The following ABCA9 variants were observed in gnomAD, a reference collection of about 807,000 sequenced individuals.
ABCA9 encodes the protein ATP binding cassette subfamily A member 9.
ABCA9 carries 183 observed loss-of-function variants against 205.3 expected under a neutral mutation model. That is an observed-to-expected ratio of 0.89 (90% CI 0.79 to 1.01). The LOEUF (loss-of-function observed/expected upper bound fraction) is 1.01. ABCA9 is among the 50% of genes least tolerant of loss of function. The pLI is 0.00. For synonymous variants in ABCA9, 651 were observed against 683.3 expected (o/e 0.95, Z 0.74); for missense variants, 1,805 against 1,912.4 (o/e 0.94, Z 1.05).
At chr17:68,978,320 G>C (rs978908437) in intron 37 of ABCA9, among the ~76,000 whole-genome samples, 2 of 151,866 alleles carry the variant, frequency 1.3e-5, no homozygotes, top group Non-Finnish European at 2.9e-5. Context: ...CCATTTGCTT[G>C]GTAGATCTTC....
intron 1 of ABCA9, among the ~76,000 whole-genome samples, chr17:69,057,446 G>A (rs2072101846): frequency 6.6e-6 from 1 of 152,078 alleles, no homozygotes; most frequent in Non-Finnish European, 1.5e-5. Context: ...AGAGAGAGTG[G>A]CCTTTAGGCT....
intron 1 of ABCA9, among the ~76,000 whole-genome samples, chr17:69,055,741 C>T (rs1418020917): frequency 6.6e-6 from 1 of 152,110 alleles, no homozygotes; most frequent in Non-Finnish European, 1.5e-5. Flanking sequence ...ATGGAACGCT[C>T]ACCAAGATAG....
In ABCA9 at chr17:69,023,809, T is replaced by C. The variant is rs573218542; in HGVS notation, c.2281+405A>G. ...GATTATATCAGTATGTGCTGGTGTT[T>C]CTAAAACAACCTATTTATTGTGTAC... On this transcript the variant is annotated intron_variant, in intron 17 of 38. Coordinates refer to ENST00000340001, the MANE Select transcript of ABCA9 (RefSeq NM_080283.4). The surrounding 1 kb of genome is among the most constrained non-coding windows in gnomAD (Gnocchi z 4.2). Among the ~76,000 whole-genome samples, 1 of 152,220 alleles carries C rather than the reference T, an allele frequency of 6.6e-6. No individual in the cohort carries two copies. Among genetic ancestry groups the C allele is most frequent in the East Asian group, 1.9e-4 (1 of 5,188 alleles).
At chr17:69,034,458 G>A (rs1279016817) in intron 8 of ABCA9, among the ~76,000 whole-genome samples, 1 of 152,060 alleles carries the variant, frequency 6.6e-6, no homozygotes, top group African/African-American at 2.4e-5. Flanking sequence ...TGCCACAGGA[G>A]ATCCACCCAT....
intron 31 of ABCA9, chr17:68,986,561 T>C (rs1367826612): frequency 2.7e-6 from 1 of 374,784 alleles, no homozygotes; most frequent in Non-Finnish European, 4.7e-6. Flanking sequence ...TGACCGTGAT[T>C]GAACTCAAGA....
chr17:68,990,894 A>G lies in ABCA9; in HGVS notation c.3780T>C (p.Asp1260=), dbSNP rs746976874. 6.8e-6 allele frequency: 11 copies of G among 1,614,010 alleles called. 1 individual carries two copies. The highest frequency in any genetic ancestry group is 1.7e-5 in the Admixed American group (1 of 59,998). The stretch of plus-strand genomic sequence containing the variant: ...CTGTTCTCATTCTTTCCATCTGGAT[A>G]TCTTCCTCCTCTCCTTCAGGCTCTT... ...NPEEPEGEEE[D]IQMERMRTVN... is the part of the protein sequence containing the mutation. The change falls in exon 29 of 39, where the codon GAT becomes GAC. Residue 1260 remains aspartate, a synonymous_variant. Coordinates refer to ENST00000340001, the MANE Select transcript of ABCA9 (RefSeq NM_080283.4).
At chr17:68,977,996 C>T (rs1026750555) in intron 37 of ABCA9, among the ~76,000 whole-genome samples, 1 of 152,162 alleles carries the variant, frequency 6.6e-6, no homozygotes, top group East Asian at 1.9e-4. Flanking sequence ...CTGCTTGGTG[C>T]AGAGCTGAAT....
At chr17:69,006,790 C>T (rs771130389) in intron 25 of ABCA9, among the ~76,000 whole-genome samples, 2 of 152,224 alleles carry the variant, frequency 1.3e-5, no homozygotes, top group Non-Finnish European at 2.9e-5. Context: ...GTGAACTTTT[C>T]TATAATGTAG....
Position 69,047,941 on chromosome 17 carries a change from A to T in ABCA9, c.304+1342T>A, listed in dbSNP as rs544034642. Reference sequence around the variant, plus strand: ...TAAATAAAATCCTCCTGTTCCACCCATATGGTCTTTCTGGTCTCCTGATTC... The same window carrying T: ...TAAATAAAATCCTCCTGTTCCACCCTTATGGTCTTTCTGGTCTCCTGATTC... On this transcript the variant is annotated intron_variant, in intron 3 of 38. Transcript: ENST00000340001. Among the ~76,000 whole-genome samples the T allele has an allele frequency of 2.6e-5, 4 of 152,258 alleles. No homozygotes were observed. In the South Asian group the frequency reaches 8.3e-4, roughly 32 times the overall value.
At chr17:69,067,877 G>A in the ABCA9 span, among the ~76,000 whole-genome samples, 1 of 152,096 alleles carries the variant, frequency 6.6e-6, no homozygotes, top group Non-Finnish European at 1.5e-5. Context: ...TTCTGTTGGG[G>A]GCAGTACATA....
rs535511538 is a variant in ABCA9 at position 69,053,231 on chromosome 17, C to A, written c.-13-2092G>T. Among the ~76,000 whole-genome samples, 7 of 152,316 alleles carry A rather than the reference C, an allele frequency of 4.6e-5. No homozygotes were observed. The South Asian group carries it at 1.5e-3, about 32-fold the overall frequency. On this transcript the variant is annotated intron_variant, in intron 1 of 38. Transcript: ENST00000340001. ...CATGGGTGATTCCCTGGCAACCAGT[C>A]CTATCCTGAAGCAATCTAGGGGATT...
chr17:69,078,565 A>C, the ABCA9 span: 1 of 153,344 alleles, frequency 6.5e-6, no homozygotes, highest in African/African-American at 2.4e-5. Flanking sequence ...AGTTGGTTAT[A>C]AAAGAAAACC....
chr17:69,016,160 T>G, intron 22 of ABCA9, 93 bp downstream of exon 22: 1 of 874,628 alleles, frequency 1.1e-6, no homozygotes, highest in Non-Finnish European at 1.6e-6. Context: ...AAGAATAGAT[T>G]CACAAAAAGT....
the ABCA9 span, among the ~76,000 whole-genome samples, chr17:69,078,486 T>C: frequency 1.3e-5 from 2 of 152,162 alleles, no homozygotes; most frequent in Non-Finnish European, 2.9e-5. Context: ...CGTGAGCCAC[T>C]GCACCTGGCC....
At position 68,985,052 on chromosome 17, in the gene ABCA9, C is replaced by T. The variant is rs754240514; in HGVS notation, c.4284+1G>A. On this transcript the variant is annotated splice_donor_variant, in intron 33 of 38. Transcript: ENST00000340001. LOFTEE classifies it high-confidence loss of function. ...AGAGCAACAACAAGCCCTGCCCGTA[C>T]CTTTCGCTTTATTCCCTCTGACAAG... 1.9e-6 allele frequency: 3 copies of T among 1,614,098 alleles called. No homozygotes were observed. Among genetic ancestry groups the T allele is most frequent in the African/African-American group, 1.3e-5 (1 of 74,936 alleles).
intron 10 of ABCA9, 130 bp downstream of exon 10, chr17:69,031,978 G>A (rs1382911130): frequency 1.4e-6 from 1 of 713,180 alleles, no homozygotes; most frequent in African/African-American, 1.8e-5. Flanking sequence ...AGCCTTTGAT[G>A]AGTGCAGCAG....
Position 69,024,255 on chromosome 17 carries a change from A to C in ABCA9, c.2240T>G (p.Leu747Arg), listed in dbSNP as rs2070911757. ...AKLTAQSEEK[L>R]VYILPLERTN... ...CCTTTCCAAAGGCAAAATATATACA[A>C]GTTTTTCTTCACTTTGTGCTGTCAA... Residue 747 changes from leucine (L) to arginine (R), a missense_variant, in exon 17 of 39, where the codon CTT becomes CGT. By Grantham distance (102) the Leu-to-Arg change is moderately radical (BLOSUM62 -2). Transcript: ENST00000340001. 1.2e-6 allele frequency: 2 copies of C among 1,613,284 alleles called. No homozygotes were observed. The highest frequency in any genetic ancestry group is 1.7e-6 in the Non-Finnish European group (2 of 1,179,558).
rs780503717 is a variant in ABCA9, at chr17:68,984,172, C to T, written c.4383G>A (p.Gln1461=). 1 of 1,614,012 alleles carries T rather than the reference C, an allele frequency of 6.2e-7. No homozygotes were observed. The highest frequency in any genetic ancestry group is 1.7e-5 in the Admixed American group (1 of 59,996). The stretch of plus-strand genomic sequence containing the variant: ...TGTTTCTAAAGGTGGCCCGAATCAC[C>T]TGCCTAAAGTTAAGTCAAGAGAAAA... ...MDPEGQQQMW[Q]VIRATFRNTE... Residue 1461 remains glutamine (Q), a synonymous_variant, in exon 35 of 39, where the codon CAG becomes CAA. Coordinates refer to ENST00000340001, the MANE Select transcript of ABCA9 (RefSeq NM_080283.4).
chr17:68,980,758 C>T (rs138613949), intron 37 of ABCA9, among the ~76,000 whole-genome samples: 1,780 of 101,866 alleles, frequency 0.017, 43 homozygotes, highest in African/African-American at 0.064. Flanking sequence ...ACACCAAGGC[C>T]TGTTGTGGGG....
Sources: gnomAD v4.1 joint callset for allele counts (sites outside exome capture counted in the v4.1 genomes callset) on GRCh38, gnomAD v4.1.1 for gene constraint, Gnocchi (gnomAD v3.1) non-coding constraint, MANE v1.5 for transcripts, NCBI Gene and HGNC (gene_info 2026-07-23, HGNC 2026-07-21) for gene names.